STPG2: variants seen among roughly 807,000 people sequenced by gnomAD.
The protein encoded by STPG2 is sperm-tail PG-rich repeat-containing protein 2.
A neutral mutation model predicts 54.2 loss-of-function variants in STPG2; 56 were observed. The observed-to-expected ratio is 1.03, with a 90% CI of 0.83 to 1.29. The LOEUF (loss-of-function observed/expected upper bound fraction) is 1.29. Among genes scored for constraint, STPG2 ranks in the 50% most tolerant of loss-of-function variants. The pLI, the probability that STPG2 is intolerant of heterozygous loss-of-function variation, is 0.00. For synonymous variants in STPG2, 200 were observed against 181.8 expected, an observed-to-expected ratio of 1.10 and a Z score of -0.81; for missense variants, 596 against 544.9, an observed-to-expected ratio of 1.09 and a Z score of -0.93.
chr4:97,681,509 T>C (rs565987268), intron 10 of STPG2, among the ~76,000 whole-genome samples: 2 of 152,006 alleles, frequency 1.3e-5, no homozygotes, highest in South Asian at 4.1e-4. Flanking sequence ...TATTCGTTAA[T>C]TGGCACTCTA....
chr4:97,874,773 G>A lies in STPG2; in HGVS notation c.1045-33841C>T, dbSNP rs370913643. 5.2e-4 allele frequency among the ~76,000 whole-genome samples: 79 copies of A among 151,570 alleles called. No homozygotes were observed. The Middle Eastern group carries it at 0.01, about 20-fold the overall frequency. On this transcript the variant is annotated intron_variant, in intron 8 of 10. Coordinates refer to ENST00000295268, the MANE Select transcript of STPG2 (RefSeq NM_174952.3). ...CTAATCCCAAATGTCACAGTATTTCGAAATGGGGCCTTTAAAAGGTAATTA... is the reference window on the plus strand; with the variant it reads ...CTAATCCCAAATGTCACAGTATTTCAAAATGGGGCCTTTAAAAGGTAATTA...
At chr4:97,560,594 A>T (rs113496194) in intron 10 of STPG2, among the ~76,000 whole-genome samples, 1,773 of 152,290 alleles carry the variant, frequency 0.012, 22 homozygotes, top group African/African-American at 0.022. Context: ...AAAGCCATAG[A>T]TCTAAATTCT....
At chr4:98,030,802 T>C (rs1410442900) in intron 5 of STPG2, among the ~76,000 whole-genome samples, 2 of 152,160 alleles carry the variant, frequency 1.3e-5, no homozygotes, top group African/African-American at 2.4e-5. Context: ...TTTCTATTCA[T>C]TAAACGGTGC....
At chr4:97,467,848 T>C (rs562656030) in intron 4 of STPG2, among the ~76,000 whole-genome samples, 1 of 151,592 alleles carries the variant, frequency 6.6e-6, no homozygotes, top group East Asian at 1.9e-4. Flanking sequence ...TTTTGCTTTT[T>C]TTTTTTTTTT....
intron 10 of STPG2, among the ~76,000 whole-genome samples, chr4:97,597,437 C>A (rs1163079747): frequency 6.6e-6 from 1 of 152,034 alleles, no homozygotes; most frequent in Non-Finnish European, 1.5e-5. Context: ...ATACCAAAAC[C>A]TGGCAGAGAT....
At chr4:97,460,993 A>G (rs1407019319) in intron 4 of STPG2, among the ~76,000 whole-genome samples, 2 of 152,122 alleles carry the variant, frequency 1.3e-5, no homozygotes, top group Non-Finnish European at 2.9e-5. Context: ...ATACACCACA[A>G]TGTATTTTAT....
In STPG2 at chr4:98,141,962, A is replaced by C. The variant is rs564789068; in HGVS notation, c.109+1080T>G. ...GTTGGGAAAAAAAAAAAAAAAAAAA[A>C]CAGGAGGAAATGATGTTACATTTTG... On this transcript the variant is annotated intron_variant, in intron 1 of 10. Coordinates refer to ENST00000295268, the MANE Select transcript of STPG2 (RefSeq NM_174952.3). Among the ~76,000 whole-genome samples the C allele has an allele frequency of 4.0e-5, 6 of 151,470 alleles. No individual in the cohort carries two copies. The South Asian group carries it at 8.3e-4, about 21-fold the overall frequency.
At chr4:97,727,033 G>C (rs1724646363) in intron 9 of STPG2, among the ~76,000 whole-genome samples, 1 of 151,798 alleles carries the variant, frequency 6.6e-6, no homozygotes, top group South Asian at 2.1e-4. Flanking sequence ...TTGAAAAGAA[G>C]GGAATTATAC....
At chr4:97,869,008 G>A (rs1729887273) in intron 8 of STPG2, among the ~76,000 whole-genome samples, 1 of 151,766 alleles carries the variant, frequency 6.6e-6, no homozygotes, top group African/African-American at 2.4e-5. Context: ...AATTAGTTTT[G>A]TATCTTGAGC....
chr4:97,574,731 A>T (rs1732681697), intron 10 of STPG2, among the ~76,000 whole-genome samples: 1 of 152,094 alleles, frequency 6.6e-6, no homozygotes, highest in African/African-American at 2.4e-5. Context: ...AGGAGGTCAG[A>T]AAGACCTTTC....
intron 8 of STPG2, among the ~76,000 whole-genome samples, chr4:97,862,852 T>C (rs1729607262): frequency 6.6e-6 from 1 of 152,132 alleles, no homozygotes; most frequent in Admixed American, 6.6e-5. Context: ...GACTACCGCA[T>C]ACGTAACGAA....
At chr4:97,467,066 G>A (rs1396659121) in intron 4 of STPG2, among the ~76,000 whole-genome samples, 2 of 151,872 alleles carry the variant, frequency 1.3e-5, no homozygotes, top group Non-Finnish European at 2.9e-5. Context: ...CTGAGAAATG[G>A]AAAATGACTA....
intron 5 of STPG2, among the ~76,000 whole-genome samples, chr4:98,004,949 G>A (rs1311081583): frequency 7.1e-6 from 1 of 140,276 alleles, no homozygotes; most frequent in African/African-American, 2.7e-5. Context: ...CCTTCACTCT[G>A]TTGACTATTT....
intron 4 of STPG2, among the ~76,000 whole-genome samples, chr4:97,530,178 C>G (rs760223013): frequency 4.6e-5 from 7 of 152,242 alleles, no homozygotes; most frequent in Non-Finnish European, 7.4e-5. Context: ...GGGACCTAGA[C>G]TGCTTGCAAC....
intron 9 of STPG2, among the ~76,000 whole-genome samples, chr4:97,819,493 G>C (rs985255394): frequency 7.2e-5 from 11 of 151,988 alleles, no homozygotes; most frequent in African/African-American, 2.7e-4. Flanking sequence ...AAATCACAAT[G>C]TTATTTTCAT....
At chr4:97,721,886 A>T (rs1376894741) in intron 9 of STPG2, among the ~76,000 whole-genome samples, 2 of 152,106 alleles carry the variant, frequency 1.3e-5, no homozygotes, top group Non-Finnish European at 2.9e-5. Context: ...TTTTTAAAAC[A>T]TATATCACTG....
At chr4:97,486,293 C>T (rs771954462) in intron 4 of STPG2, among the ~76,000 whole-genome samples, 53 of 151,824 alleles carry the variant, frequency 3.5e-4, no homozygotes, top group Admixed American at 8.5e-4. Context: ...GACTAATATC[C>T]AGAGTCTACA....
chr4:97,653,744 G>A (rs1314216614), intron 10 of STPG2, among the ~76,000 whole-genome samples: 1 of 152,158 alleles, frequency 6.6e-6, no homozygotes, highest in Non-Finnish European at 1.5e-5. Context: ...ACTGAGAATG[G>A]TGTTTAGTGT....
At chr4:97,979,679 A>C (rs1040325160) in intron 6 of STPG2, among the ~76,000 whole-genome samples, 28 of 151,916 alleles carry the variant, frequency 1.8e-4, no homozygotes, top group Non-Finnish European at 4.0e-4. Flanking sequence ...TAAGGTTAGG[A>C]GTTAAAGACC....
Sources: gnomAD v4.1 joint callset for allele counts (sites outside exome capture counted in the v4.1 genomes callset) on GRCh38, gnomAD v4.1.1 for gene constraint, MANE v1.5 for transcripts, NCBI Gene and HGNC (gene_info 2026-07-23, HGNC 2026-07-21) for gene names.